Variants in TMEM132B observed in about 807,000 individuals in gnomAD.
TMEM132B encodes the protein transmembrane protein 132B.
In TMEM132B, 18 loss-of-function variants were observed where a neutral mutation model predicts 90.8. The ratio of observed to expected loss-of-function variants is 0.20; its 90% confidence interval spans 0.14 to 0.29. TMEM132B has a LOEUF of 0.29. TMEM132B is among the 10% of genes least tolerant of loss of function. The pLI is 1.00. For synonymous variants in TMEM132B, 504 were observed against 523.3 expected (o/e 0.96, Z 0.50); for missense variants, 1,096 against 1,326.8 (o/e 0.83, Z 2.70).
At position 125,349,122 on chromosome 12, in the gene TMEM132B, G is replaced by C. The variant is rs1344310728; in HGVS notation, c.68-330G>C. Among the ~76,000 whole-genome samples, 1 of 152,136 alleles carries C rather than the reference G, an allele frequency of 6.6e-6. No homozygotes were observed. The highest frequency in any genetic ancestry group is 1.5e-5 in the Non-Finnish European group (1 of 68,040). On this transcript the variant is annotated intron_variant, in intron 1 of 8. Transcript: ENST00000682704. The surrounding 1 kb of genome is among the most constrained non-coding windows in gnomAD (Gnocchi z 4.1). ...TAGGTACGCAACCTTTTATCTGTGG[G>C]GTAGATGAACAACGATGACCATGAT...
chr12:125,630,427 A>G (rs575276433), intron 5 of TMEM132B, among the ~76,000 whole-genome samples: 1 of 152,160 alleles, frequency 6.6e-6, no homozygotes, highest in East Asian at 1.9e-4. Flanking sequence ...ATTTATGTAT[A>G]GTTGCTTATG....
rs145687926 is a variant in TMEM132B, at chr12:125,361,737, C to T, written c.959+11394C>T. On this transcript the variant is annotated intron_variant, in intron 2 of 8. Transcript: ENST00000682704. Reference sequence around the variant, plus strand: ...CTGCTGCATTTAGGGAGCCTGTTTCCGTTAATAAGAACATGGTGCTTACCC... The same window carrying T: ...CTGCTGCATTTAGGGAGCCTGTTTCTGTTAATAAGAACATGGTGCTTACCC... Among the ~76,000 whole-genome samples the T allele has an allele frequency of 4.1e-3, 631 of 152,272 alleles. 5 individuals are homozygous for T. Among genetic ancestry groups the T allele is most frequent in the African/African-American group, 0.014 (596 of 41,552 alleles).
In TMEM132B at chr12:125,655,148, A is replaced by G. The variant is rs1887028960; in HGVS notation, c.*438A>G. 6.1e-6 allele frequency: 1 copy of G among 163,292 alleles called. No homozygotes were observed. Among genetic ancestry groups the G allele is most frequent in the African/African-American group, 2.4e-5 (1 of 41,574 alleles). The allele number at this position is 163,292 out of a possible 1,614,324, so 10.1% of individuals were successfully genotyped here. On this transcript the variant is annotated 3_prime_UTR_variant, in exon 9 of 9. Transcript: ENST00000682704. ...ACATACATGAAAGATGACTGAATGT[A>G]GCTATCCTGATTTGTCATGAGCGCT...
rs563020435 is a variant in TMEM132B at position 125,515,237 on chromosome 12, C to G, written c.1107-4202C>G. Among the ~76,000 whole-genome samples the G allele has an allele frequency of 3.4e-5, 5 of 146,746 alleles. No individual in the cohort carries two copies. In the East Asian group the frequency reaches 1.1e-3, roughly 31 times the overall value. On this transcript the variant is annotated intron_variant, in intron 3 of 8. Coordinates refer to ENST00000682704, the MANE Select transcript of TMEM132B (RefSeq NM_001366854.1). ...ACACGTTCACACATTCTCTCACACA[C>G]ATGCATTCTCACACACACACATTCA...
At chr12:125,623,507 T>A (rs1005122481) in intron 5 of TMEM132B, among the ~76,000 whole-genome samples, 4 of 151,976 alleles carry the variant, frequency 2.6e-5, no homozygotes, top group African/African-American at 9.7e-5. Context: ...GCTGGTGCCA[T>A]CTAATAGGGA....
At chr12:125,326,804 G>A (rs1048007879) in intron 1 of TMEM132B, 9 of 878,620 alleles carry the variant, frequency 1.0e-5, no homozygotes, top group East Asian at 8.1e-5. Flanking sequence ...CCTGTTCTCC[G>A]TGCACCCCTT....
intron 5 of TMEM132B, among the ~76,000 whole-genome samples, chr12:125,610,419 C>T (rs978862628): frequency 1.3e-5 from 2 of 152,082 alleles, no homozygotes; most frequent in African/African-American, 4.8e-5. Flanking sequence ...AGGAGTTTCT[C>T]TTCTATTCCT....
At chr12:125,524,407 G>A (rs564157036) in intron 4 of TMEM132B, among the ~76,000 whole-genome samples, 21 of 152,308 alleles carry the variant, frequency 1.4e-4, no homozygotes, top group African/African-American at 4.1e-4. Flanking sequence ...GAGGTAGGTG[G>A]CAGTGAGATA....
intron 3 of TMEM132B, among the ~76,000 whole-genome samples, chr12:125,451,901 C>T (rs563400454): frequency 8.3e-4 from 127 of 152,286 alleles, no homozygotes; most frequent in African/African-American, 3.0e-3. Context: ...ACTGACTGTC[C>T]ATGTCTGATT....
At chr12:125,578,908 T>C (rs1884991130) in intron 4 of TMEM132B, among the ~76,000 whole-genome samples, 1 of 152,184 alleles carries the variant, frequency 6.6e-6, no homozygotes, top group Non-Finnish European at 1.5e-5. Flanking sequence ...GATTATGATG[T>C]ATCTAGGTGC....
At chr12:125,366,949 A>G (rs773390844) in intron 2 of TMEM132B, among the ~76,000 whole-genome samples, 2 of 152,110 alleles carry the variant, frequency 1.3e-5, no homozygotes, top group Non-Finnish European at 1.5e-5. Flanking sequence ...TTATTTGGGT[A>G]TTAAGTCCAC....
At chr12:125,532,956 CA>C (rs1402030901) in intron 4 of TMEM132B, among the ~76,000 whole-genome samples, 1 of 152,172 alleles carries the variant, frequency 6.6e-6, no homozygotes, top group Non-Finnish European at 1.5e-5. Context: ...TTGCCCGCTG[CA>C]AGCCTGATAT....
chr12:125,230,932 C>G (rs1873805918), intron 1 of TMEM132B, among the ~76,000 whole-genome samples: 1 of 152,204 alleles, frequency 6.6e-6, no homozygotes, highest in Non-Finnish European at 1.5e-5. Context: ...TTTACACCAC[C>G]TGTCCCTTTG....
chr12:125,491,735 C>T (rs534893048), intron 3 of TMEM132B, among the ~76,000 whole-genome samples: 5 of 152,216 alleles, frequency 3.3e-5, no homozygotes, highest in Admixed American at 6.5e-5. Flanking sequence ...TGGGCCAACC[C>T]ACTGGCTCGA....
intron 1 of TMEM132B, among the ~76,000 whole-genome samples, chr12:125,313,637 C>T (rs1305467522): frequency 4.7e-5 from 4 of 85,796 alleles, no homozygotes; most frequent in African/African-American, 1.9e-4. Context: ...TTCCCCTCCC[C>T]TCTCCTCCCC....
At chr12:125,190,425 G>A in intron 1 of TMEM132B, among the ~76,000 whole-genome samples, 1 of 146,996 alleles carries the variant, frequency 6.8e-6, no homozygotes, top group African/African-American at 2.5e-5. Flanking sequence ...GATGGGAAGA[G>A]GTGGTGATGG....
At chr12:125,196,529 G>A (rs969334965) in intron 1 of TMEM132B, among the ~76,000 whole-genome samples, 5 of 152,156 alleles carry the variant, frequency 3.3e-5, no homozygotes, top group African/African-American at 1.2e-4. Context: ...CCAACATAGC[G>A]AAACCCCATC....
chr12:125,255,125 G>A (rs1874405302), intron 1 of TMEM132B, among the ~76,000 whole-genome samples: 2 of 152,178 alleles, frequency 1.3e-5, no homozygotes, highest in African/African-American at 4.8e-5. Context: ...GGGGGTTGCC[G>A]AAATCCACGT....
chr12:125,643,993 C>A, intron 5 of TMEM132B, 83 bp from the exon 6 acceptor site: 1 of 1,217,704 alleles, frequency 8.2e-7, no homozygotes, highest in Non-Finnish European at 1.2e-6. Flanking sequence ...AGAGCTGCTG[C>A]AGTTCATGAA....
Sources: allele counts gnomAD v4.1 joint callset (sites outside exome capture counted in the v4.1 genomes callset), GRCh38; gene constraint gnomAD v4.1.1; non-coding constraint Gnocchi (gnomAD v3.1); transcripts MANE v1.5; gene names NCBI Gene and HGNC (gene_info 2026-07-23, HGNC 2026-07-21).